PCSK5: variants seen among roughly 807,000 people sequenced by gnomAD.
The protein encoded by PCSK5 is prohormone convertase 5.
PCSK5 carries 129 observed loss-of-function variants against 233.2 expected under a neutral mutation model. The ratio of observed to expected loss-of-function variants is 0.55; its 90% CI spans 0.48 to 0.64. The LOEUF (loss-of-function observed/expected upper bound fraction) is 0.64. PCSK5 is among the 30% of genes least tolerant of loss of function. The pLI is 0.00. For missense variants in PCSK5, 2,076 were observed against 2,430.1 expected, an observed-to-expected ratio of 0.85 and a Z score of 3.06; for synonymous variants, 825 against 879.2, an observed-to-expected ratio of 0.94 and a Z score of 1.09.
chr9:76,125,906 G>A (rs955568040), intron 9 of PCSK5, among the ~76,000 whole-genome samples: 7 of 152,174 alleles, frequency 4.6e-5, no homozygotes, highest in African/African-American at 1.7e-4. Flanking sequence ...TGCAGGACTA[G>A]CAATCTTTAT....
intron 12 of PCSK5, among the ~76,000 whole-genome samples, chr9:76,162,243 A>G (rs1822893450): frequency 6.6e-6 from 1 of 152,176 alleles, no homozygotes; most frequent in Non-Finnish European, 1.5e-5. Flanking sequence ...TGACACTGGT[A>G]GCGTCCCTCC....
chr9:76,238,384 G>A (rs957430201), intron 22 of PCSK5, among the ~76,000 whole-genome samples: 1 of 152,212 alleles, frequency 6.6e-6, no homozygotes, highest in African/African-American at 2.4e-5. Context: ...AGGAATGCAC[G>A]TAAAAGAGTC....
In PCSK5 at chr9:76,219,974, A is replaced by G. The variant is rs1033280728; in HGVS notation, c.2627-7529A>G. On this transcript the variant is annotated intron_variant, in intron 20 of 37. Transcript: ENST00000674117. Reference sequence around the variant, plus strand: ...CCACTAGGGTGGGCCCTCTGCAGCCACAAATAGAGGAGACAGTTGGGGATA... The same window carrying G: ...CCACTAGGGTGGGCCCTCTGCAGCCGCAAATAGAGGAGACAGTTGGGGATA... Among the ~76,000 whole-genome samples the G allele has an allele frequency of 4.6e-5, 7 of 152,228 alleles. No homozygotes were observed. In the South Asian group the frequency reaches 1.5e-3, roughly 32 times the overall value.
At chr9:76,208,161 C>T (rs1264715150) in intron 20 of PCSK5, among the ~76,000 whole-genome samples, 1 of 152,128 alleles carries the variant, frequency 6.6e-6, no homozygotes, top group African/African-American at 2.4e-5. Context: ...AAAGGTCTCT[C>T]CTCTTGATAC....
chr9:76,224,457 A>G (rs1825821456), intron 20 of PCSK5, among the ~76,000 whole-genome samples: 1 of 151,954 alleles, frequency 6.6e-6, no homozygotes, highest in African/African-American at 2.4e-5. Context: ...ATCTTATTGC[A>G]AATGAGGAGG....
At chr9:76,088,500 CAA>C (rs2131635095) in intron 7 of PCSK5, among the ~76,000 whole-genome samples, 1 of 152,332 alleles carries the variant, frequency 6.6e-6, no homozygotes, top group East Asian at 1.9e-4. Flanking sequence ...AGAAGCAGAA[CAA>C]GAGAAACCTG....
At position 76,274,909 on chromosome 9, in the gene PCSK5, G is replaced by A. The variant is rs55633513; in HGVS notation, c.3143-17324G>A. 4.9e-3 allele frequency among the ~76,000 whole-genome samples: 742 copies of A among 152,206 alleles called. 3 individuals carry two copies. Among genetic ancestry groups the A allele is most frequent in the Non-Finnish European group, 7.5e-3 (512 of 68,006 alleles). ...CAGGCTGCTTCCACTCATGGTGGAA[G>A]GGGGAGAAAGCAAGGGGAGGGGAGG... On this transcript the variant is annotated intron_variant, in intron 24 of 37. Coordinates refer to ENST00000674117, the MANE Select transcript of PCSK5 (RefSeq NM_001372043.1).
chr9:75,957,378 G>T (rs1247643448), intron 2 of PCSK5, among the ~76,000 whole-genome samples: 1 of 152,124 alleles, frequency 6.6e-6, no homozygotes, highest in Non-Finnish European at 1.5e-5. Context: ...GGAGATCACA[G>T]AATGGAATGT....
chr9:76,204,324 C>T (rs1005187277), intron 20 of PCSK5, among the ~76,000 whole-genome samples: 4 of 152,194 alleles, frequency 2.6e-5, no homozygotes, highest in Non-Finnish European at 5.9e-5. Flanking sequence ...TCACAATGCT[C>T]TCCTGCTAAA....
intron 24 of PCSK5, among the ~76,000 whole-genome samples, chr9:76,284,829 G>A (rs530617216): frequency 6.6e-6 from 1 of 152,110 alleles, no homozygotes; most frequent in African/African-American, 2.4e-5. Flanking sequence ...ACTGCGCCTG[G>A]CCAAACCTCT....
chr9:76,236,817 C>T (rs141419295), intron 22 of PCSK5, among the ~76,000 whole-genome samples: 73 of 152,298 alleles, frequency 4.8e-4, no homozygotes, highest in African/African-American at 1.8e-3. Context: ...CATGTCCAAA[C>T]AATAAAAATG....
chr9:75,919,403 C>T (rs1048367062), intron 1 of PCSK5, among the ~76,000 whole-genome samples: 2 of 152,282 alleles, frequency 1.3e-5, no homozygotes, highest in South Asian at 2.1e-4. Flanking sequence ...TTGACTAAAG[C>T]TGCTCTAACA....
chr9:76,189,178 A>C lies in PCSK5; in HGVS notation c.2465A>C (p.Tyr822Ser). Residue 822 changes from tyrosine to serine, a missense_variant, in exon 19 of 38, where the codon TAT becomes TCT. Coordinates refer to ENST00000674117, the MANE Select transcript of PCSK5 (RefSeq NM_001372043.1). ...TGCGTGCAGAGCTGTAGTATCAGCT[A>C]TTACTTTGACCACTCTTCAGAGAAT... Reference protein sequence around the residue: ...GRCVQSCSISYYFDHSSENGY... With the variant: ...GRCVQSCSISSYFDHSSENGY... 6.2e-7 allele frequency: 1 copy of C among 1,612,690 alleles called. No homozygotes were observed. Among genetic ancestry groups the C allele is most frequent in the South Asian group, 1.1e-5 (1 of 91,030 alleles).
At chr9:75,970,218 C>T (rs1825758699) in intron 2 of PCSK5, among the ~76,000 whole-genome samples, 1 of 152,152 alleles carries the variant, frequency 6.6e-6, no homozygotes, top group African/African-American at 2.4e-5. Context: ...CTTCTTTTGC[C>T]TCATCTTGTT....
intron 20 of PCSK5, among the ~76,000 whole-genome samples, chr9:76,215,490 A>G (rs1309547359): frequency 6.6e-6 from 1 of 152,178 alleles, no homozygotes; most frequent in East Asian, 1.9e-4. Context: ...TGGGGCCCAG[A>G]CTTGTTTCAC....
intron 32 of PCSK5, among the ~76,000 whole-genome samples, chr9:76,325,150 G>A (rs1471153120): frequency 6.6e-6 from 1 of 152,136 alleles, no homozygotes; most frequent in East Asian, 1.9e-4. Flanking sequence ...AGAAGAGGCG[G>A]GTGTTCGTGT....
chr9:76,013,026 A>T (rs1827795985), intron 3 of PCSK5, among the ~76,000 whole-genome samples: 1 of 151,892 alleles, frequency 6.6e-6, no homozygotes, highest in Non-Finnish European at 1.5e-5. Flanking sequence ...AGCCAAAAAA[A>T]TCTGGAAAGA....
chr9:75,937,106 G>A (rs1221056200), intron 2 of PCSK5, among the ~76,000 whole-genome samples: 1 of 151,572 alleles, frequency 6.6e-6, no homozygotes, highest in East Asian at 1.9e-4. Context: ...AAACTATGCT[G>A]TAAACAGATG....
chr9:76,086,378 A>G (rs1831063422), intron 7 of PCSK5, among the ~76,000 whole-genome samples: 1 of 152,196 alleles, frequency 6.6e-6, no homozygotes, highest in African/African-American at 2.4e-5. Flanking sequence ...CCAGTGTGAG[A>G]TGCCCCCACA....
Sources: gnomAD v4.1 joint callset for allele counts (sites outside exome capture counted in the v4.1 genomes callset) on GRCh38, gnomAD v4.1.1 for gene constraint, MANE v1.5 for transcripts, NCBI Gene and HGNC (gene_info 2026-07-23, HGNC 2026-07-21) for gene names.